Variants in PCDHGA11 observed in about 807,000 individuals in gnomAD.
PCDHGA11 encodes protocadherin gamma-A11.
A neutral mutation model predicts 60.4 loss-of-function variants in PCDHGA11; 39 were observed. That is an observed-to-expected ratio of 0.65 (90% CI 0.50 to 0.84). The LOEUF (loss-of-function observed/expected upper bound fraction) is 0.84, where lower values mean the gene tolerates loss of function less well. Among genes scored for constraint, PCDHGA11 ranks in the 40% least tolerant of loss-of-function variants. PCDHGA11 has a pLI of 0.00. For synonymous variants in PCDHGA11, 533 were observed against 510.3 expected, an observed-to-expected ratio of 1.04 and a Z score of -0.60; for missense variants, 1,165 against 1,197.7, an observed-to-expected ratio of 0.97 and a Z score of 0.40.
intron 2 of PCDHGA11, among the ~76,000 whole-genome samples, chr5:141,496,104 G>A (rs950960102): frequency 6.8e-6 from 1 of 146,980 alleles, no homozygotes; most frequent in African/African-American, 2.5e-5. Context: ...CCAACACCCC[G>A]CTCTCTTCCT....
Position 141,423,265 on chromosome 5 carries a change from G to T in PCDHGA11, c.2038G>T (p.Glu680Ter). ...PEVLADLGSLESLANSETSDL... is the reference protein window; with the variant it reads ...PEVLADLGSL ...AGTCCTGGCGGACCTCGGCAGCCTC[G>T]AGTCTCTGGCTAACTCTGAAACCTC... Residue 680 changes from glutamate to a stop codon, truncating the protein, a stop_gained, in exon 1 of 4, where the codon GAG becomes TAG. Coordinates refer to ENST00000398587, the MANE Select transcript of PCDHGA11 (RefSeq NM_018914.3). LOFTEE classifies it high-confidence loss of function. 6.2e-7 allele frequency: 1 copy of T among 1,613,666 alleles called. No homozygotes were observed. The highest frequency in any genetic ancestry group is 8.5e-7 in the Non-Finnish European group (1 of 1,179,992).
At chr5:141,503,598 CAAAAAAA>C (rs765754054) in intron 2 of PCDHGA11, among the ~76,000 whole-genome samples, 8 of 65,766 alleles carry the variant, frequency 1.2e-4, no homozygotes, top group South Asian at 1.1e-3. Context: ...GACTCCAGCT[CAAAAAAA>C]AAAAAAAAAG....
chr5:141,494,037 T>C (rs2099751443), intron 1 of PCDHGA11, among the ~76,000 whole-genome samples: 1 of 152,146 alleles, frequency 6.6e-6, no homozygotes, highest in South Asian at 2.1e-4. Context: ...GAGACTTAGT[T>C]GGCCCTGCTT....
chr5:141,425,119 T>G (rs1234720658), intron 1 of PCDHGA11, among the ~76,000 whole-genome samples: 1 of 152,220 alleles, frequency 6.6e-6, no homozygotes, highest in Non-Finnish European at 1.5e-5. Context: ...ACATTTTTCT[T>G]GAAGTCAAGA....
intron 1 of PCDHGA11, among the ~76,000 whole-genome samples, chr5:141,449,264 C>T (rs2098633342): frequency 6.6e-6 from 1 of 152,056 alleles, no homozygotes; most frequent in African/African-American, 2.4e-5. Flanking sequence ...GTACAAAGAA[C>T]TGTATCTCCT....
chr5:141,422,997 C>T lies in PCDHGA11; in HGVS notation c.1770C>T (p.Thr590=), dbSNP rs114907564. The change falls in exon 1 of 4, where the codon ACC becomes ACT. Residue 590 remains threonine (T), a synonymous_variant. Coordinates refer to ENST00000398587, the MANE Select transcript of PCDHGA11 (RefSeq NM_018914.3). ...PRSAEPGYLV[T]KVVAVDKDSG... ...CTGCGGAACCTGGCTACCTGGTGAC[C>T]AAGGTGGTTGCGGTGGACAAAGATT... The T allele has an allele frequency of 0.018, 28,679 of 1,614,218 alleles. 311 individuals carry two copies. The highest frequency in any genetic ancestry group is 0.021 in the Non-Finnish European group (25,278 of 1,180,036).
At chr5:141,460,043 A>G (rs527752346) in intron 1 of PCDHGA11, among the ~76,000 whole-genome samples, 1 of 152,276 alleles carries the variant, frequency 6.6e-6, no homozygotes, top group South Asian at 2.1e-4. Context: ...GCACCACTGC[A>G]CTCCAGCCTG....
At chr5:141,444,358 A>T (rs2098433774) in intron 1 of PCDHGA11, among the ~76,000 whole-genome samples, 1 of 151,436 alleles carries the variant, frequency 6.6e-6, no homozygotes, top group Non-Finnish European at 1.5e-5. Context: ...TTTAGTAGAG[A>T]CGGGGTTTCT....
intron 1 of PCDHGA11, among the ~76,000 whole-genome samples, chr5:141,456,059 G>A (rs1200043527): frequency 1.3e-5 from 2 of 151,662 alleles, no homozygotes; most frequent in Non-Finnish European, 1.5e-5. Flanking sequence ...CACCACGTCC[G>A]GCTAATTTTT....
Position 141,477,872 on chromosome 5 carries a change from G to A in PCDHGA11, c.2434-16935G>A. The stretch of plus-strand genomic sequence containing the variant: ...GGAGATGCTGCCTCGAGGTACCTCA[G>A]CTGGCCACCTAGTGTCACGGGTGGT... On this transcript the variant is annotated intron_variant, in intron 1 of 3. Coordinates refer to ENST00000398587, the MANE Select transcript of PCDHGA11 (RefSeq NM_018914.3). This position sits in a 1 kb window ranked among gnomAD's most constrained non-coding sequence, Gnocchi z 4.9. The A allele has an allele frequency of 6.2e-7, 1 of 1,614,180 alleles. No individual in the cohort carries two copies. Among genetic ancestry groups the A allele is most frequent in the African/African-American group, 1.3e-5 (1 of 75,058 alleles).
rs1286991812 is a variant in PCDHGA11 at position 141,432,170 on chromosome 5, C to T, written c.2433+8510C>T. The T allele has an allele frequency of 1.2e-6, 2 of 1,614,072 alleles. No homozygotes were observed. The highest frequency in any genetic ancestry group is 1.7e-6 in the Non-Finnish European group (2 of 1,180,036). ...AGAGAACAATCCCAGAGGAGTTTCC[C>T]TCGTCTCTGTGACCGCCCACGACCC... On this transcript the variant is annotated intron_variant, in intron 1 of 3. Coordinates refer to ENST00000398587, the MANE Select transcript of PCDHGA11 (RefSeq NM_018914.3). This position sits in a 1 kb window ranked among gnomAD's most constrained non-coding sequence, Gnocchi z 6.0.
intron 3 of PCDHGA11, among the ~76,000 whole-genome samples, chr5:141,508,989 G>A (rs900798347): frequency 1.3e-5 from 2 of 152,110 alleles, no homozygotes; most frequent in Non-Finnish European, 2.9e-5. Flanking sequence ...GGGGCCAGCT[G>A]GGGTAGGAGA....
chr5:141,457,279 G>A (rs948609305), intron 1 of PCDHGA11, among the ~76,000 whole-genome samples: 2 of 152,190 alleles, frequency 1.3e-5, no homozygotes, highest in African/African-American at 4.8e-5. Flanking sequence ...GTGGGCCTAC[G>A]AAGTTCCTTG....
intron 1 of PCDHGA11, chr5:141,478,676 G>A (rs540780497): frequency 6.4e-7 from 1 of 1,551,522 alleles, no homozygotes; most frequent in African/African-American, 1.4e-5. Flanking sequence ...CTTTCAACTG[G>A]CCCTTCCTAG....
At chr5:141,496,602 C>T (rs981108050) in intron 2 of PCDHGA11, among the ~76,000 whole-genome samples, 1 of 152,150 alleles carries the variant, frequency 6.6e-6, no homozygotes, top group Non-Finnish European at 1.5e-5. Flanking sequence ...TCTTAGAAGG[C>T]CCCTAAAAAG....
At chr5:141,482,755 T>TGAAGTGGGAG (rs1554165462) in intron 1 of PCDHGA11, among the ~76,000 whole-genome samples, 1 of 143,580 alleles carries the variant, frequency 7.0e-6, no homozygotes, top group South Asian at 2.1e-4. Context: ...GGGATTATGG[T>TGAAGTGGGAG]ATTTCATTAT....
chr5:141,455,876 TTTA>T (rs1271603055), intron 1 of PCDHGA11, among the ~76,000 whole-genome samples: 2 of 146,624 alleles, frequency 1.4e-5, no homozygotes, highest in Non-Finnish European at 1.5e-5. Context: ...TATTTATTTA[TTTA>T]TTTATTTATT....
At position 141,477,166 on chromosome 5, in the gene PCDHGA11, G is replaced by A. The variant is rs753389305; in HGVS notation, c.2434-17641G>A. ...TTGTGGATGTGAATGACAACGCCCC[G>A]GAGATCACAGTCACCTCCGTGTACA... On this transcript the variant is annotated intron_variant, in intron 1 of 3. Transcript: ENST00000398587. This position sits in a 1 kb window ranked among gnomAD's most constrained non-coding sequence, Gnocchi z 4.9. 5.9e-5 allele frequency: 96 copies of A among 1,614,012 alleles called. 1 individual carries two copies. Among genetic ancestry groups the A allele is most frequent in the Non-Finnish European group, 7.9e-5 (93 of 1,180,030 alleles).
Position 141,421,742 on chromosome 5 carries a change from A to G in PCDHGA11, c.515A>G (p.Gln172Arg), listed in dbSNP as rs772984365. The stretch of plus-strand genomic sequence containing the variant: ...GGCGTGAACTCCCTCCAGAGCTACC[A>G]GCTCAGCCCTAATAATTACTTTTCC... ...DVGVNSLQSY[Q>R]LSPNNYFSLQ... is the part of the protein sequence containing the mutation. The change falls in exon 1 of 4, where the codon CAG becomes CGG. Residue 172 changes from glutamine (Q) to arginine (R), a missense_variant. Transcript: ENST00000398587. The G allele has an allele frequency of 4.3e-6, 7 of 1,613,826 alleles. No individual in the cohort carries two copies. The East Asian group carries it at 1.3e-4, about 31-fold the overall frequency.
Sources: allele counts gnomAD v4.1 joint callset (sites outside exome capture counted in the v4.1 genomes callset), GRCh38; gene constraint gnomAD v4.1.1; non-coding constraint Gnocchi (gnomAD v3.1); transcripts MANE v1.5; gene names NCBI Gene and HGNC (gene_info 2026-07-23, HGNC 2026-07-21).